The following CTNNA3 variants were observed in gnomAD, a reference collection of about 807,000 sequenced individuals.
CTNNA3 encodes the protein catenin alpha 3.
A neutral mutation model predicts 95.7 loss-of-function variants in CTNNA3; 76 were observed. The ratio of observed to expected loss-of-function variants is 0.79; its 90% CI spans 0.66 to 0.96. CTNNA3 has a LOEUF of 0.96. CTNNA3 is among the 40% of genes least tolerant of loss of function. CTNNA3 has a pLI of 0.00. For missense variants in CTNNA3, 1,191 were observed against 1,089.8 expected (o/e 1.09, Z -1.31); for synonymous variants, 431 against 374.4 (o/e 1.15, Z -1.74).
intron 5 of CTNNA3, among the ~76,000 whole-genome samples, chr10:67,259,588 T>G (rs985614987): frequency 1.3e-5 from 2 of 152,188 alleles, no homozygotes. Context: ...TAAGATAATA[T>G]GCATGTGAGA....
At chr10:66,487,875 AG>A (rs1322453709) in intron 11 of CTNNA3, among the ~76,000 whole-genome samples, 1 of 152,202 alleles carries the variant, frequency 6.6e-6, no homozygotes, top group Non-Finnish European at 1.5e-5. Context: ...CTCTTTAAAA[AG>A]CTTGGTGGCT....
At chr10:66,525,254 A>G (rs564820547) in intron 10 of CTNNA3, among the ~76,000 whole-genome samples, 1 of 152,184 alleles carries the variant, frequency 6.6e-6, no homozygotes, top group African/African-American at 2.4e-5. Context: ...AGAGTATCCT[A>G]TTTTGGATTA....
intron 13 of CTNNA3, among the ~76,000 whole-genome samples, chr10:66,240,155 T>C (rs1474276808): frequency 6.6e-6 from 1 of 152,044 alleles, no homozygotes; most frequent in Admixed American, 6.6e-5. Flanking sequence ...AGCTGCTTAG[T>C]AGGAATGTGG....
chr10:67,702,896 A>G (rs1841052514), intron 1 of CTNNA3, among the ~76,000 whole-genome samples: 1 of 152,320 alleles, frequency 6.6e-6, no homozygotes, highest in African/African-American at 2.4e-5. Flanking sequence ...AAGAAAGAAG[A>G]AAAGAGAGAA....
chr10:66,185,282 A>C (rs2086271762), intron 13 of CTNNA3, among the ~76,000 whole-genome samples: 1 of 152,172 alleles, frequency 6.6e-6, no homozygotes, highest in Non-Finnish European at 1.5e-5. Flanking sequence ...TAAATACCAG[A>C]GACAACAGTA....
intron 11 of CTNNA3, among the ~76,000 whole-genome samples, chr10:66,396,750 A>T (rs1447989495): frequency 6.6e-6 from 1 of 151,952 alleles, no homozygotes; most frequent in Non-Finnish European, 1.5e-5. Context: ...ATCCTCAAAG[A>T]AATTCCATTT....
intron 7 of CTNNA3, among the ~76,000 whole-genome samples, chr10:66,791,053 C>G (rs562639735): frequency 6.6e-6 from 1 of 152,258 alleles, no homozygotes; most frequent in Middle Eastern, 3.4e-3. Flanking sequence ...TCCCAGTGTT[C>G]AAGTTAATGT....
At chr10:66,928,350 A>C (rs1196341451) in intron 7 of CTNNA3, 1 of 1,614,164 alleles carries the variant, frequency 6.2e-7, no homozygotes, top group South Asian at 1.1e-5. Context: ...GCACCCAGGA[A>C]TTTTATGTAG....
intron 7 of CTNNA3, among the ~76,000 whole-genome samples, chr10:67,074,385 C>A (rs1217348332): frequency 2.5e-5 from 3 of 120,362 alleles, no homozygotes; most frequent in Non-Finnish European, 4.8e-5. Context: ...GAGTCTCGCT[C>A]TGTCGCCCAG....
intron 6 of CTNNA3, among the ~76,000 whole-genome samples, chr10:67,197,777 A>G (rs759128452): frequency 6.6e-6 from 1 of 152,160 alleles, no homozygotes; most frequent in Non-Finnish European, 1.5e-5. Context: ...ATTAACTCAA[A>G]TGTTTCTAAG....
At chr10:66,527,005 T>G (rs953693258) in intron 10 of CTNNA3, among the ~76,000 whole-genome samples, 1 of 152,270 alleles carries the variant, frequency 6.6e-6, no homozygotes, top group African/African-American at 2.4e-5. Flanking sequence ...CATTGCCAAA[T>G]CTGATGTCAC....
intron 3 of CTNNA3, among the ~76,000 whole-genome samples, chr10:67,576,549 T>C (rs984947275): frequency 6.6e-6 from 1 of 151,358 alleles, no homozygotes; most frequent in Non-Finnish European, 1.5e-5. Flanking sequence ...TTTCTTTATT[T>C]TATTTTATTT....
intron 12 of CTNNA3, among the ~76,000 whole-genome samples, chr10:66,318,260 A>C (rs1434260530): frequency 2.7e-5 from 1 of 36,772 alleles, no homozygotes; most frequent in Non-Finnish European, 8.0e-5. Context: ...AGTTGCTGGG[A>C]GATATATATA....
chr10:66,661,253 A>G (rs1846254023), intron 9 of CTNNA3, among the ~76,000 whole-genome samples: 1 of 152,146 alleles, frequency 6.6e-6, no homozygotes, highest in Non-Finnish European at 1.5e-5. Context: ...AATTGGATTT[A>G]TAGTTCCACA....
chr10:67,411,093 A>G (rs1845349510), intron 5 of CTNNA3, among the ~76,000 whole-genome samples: 1 of 152,116 alleles, frequency 6.6e-6, no homozygotes, highest in African/African-American at 2.4e-5. Flanking sequence ...AAGGATACAA[A>G]ATTTCAGTTA....
At chr10:66,489,545 T>C (rs1305154241) in intron 11 of CTNNA3, among the ~76,000 whole-genome samples, 1 of 152,124 alleles carries the variant, frequency 6.6e-6, no homozygotes, top group Non-Finnish European at 1.5e-5. Flanking sequence ...CCCAACGTTA[T>C]GTACACACAC....
intron 12 of CTNNA3, among the ~76,000 whole-genome samples, chr10:66,360,288 A>ACCT (rs71466868): frequency 0.097 from 14,805 of 151,888 alleles, 960 homozygotes; most frequent in South Asian, 0.18. Flanking sequence ...AAGGGTTTCC[A>ACCT]CGTGTTTGGG....
At chr10:66,521,737 G>A (rs1841074480) in intron 10 of CTNNA3, among the ~76,000 whole-genome samples, 1 of 152,094 alleles carries the variant, frequency 6.6e-6, no homozygotes, top group South Asian at 2.1e-4. Flanking sequence ...CATAACCCTT[G>A]TTCTTGACTG....
chr10:66,587,709 A>C (rs1843407268), intron 10 of CTNNA3, among the ~76,000 whole-genome samples: 1 of 152,186 alleles, frequency 6.6e-6, no homozygotes, highest in South Asian at 2.1e-4. Context: ...GCTCCCATGC[A>C]CTTGGCAAGG....
Sources: gnomAD v4.1 joint callset for allele counts (sites outside exome capture counted in the v4.1 genomes callset) on GRCh38, gnomAD v4.1.1 for gene constraint, MANE v1.5 for transcripts, NCBI Gene and HGNC (gene_info 2026-07-23, HGNC 2026-07-21) for gene names.